AMZ2: variants seen among roughly 807,000 people sequenced by gnomAD.
The protein encoded by AMZ2 is archaemetzincin-2.
Under a neutral mutation model 36.7 loss-of-function variants are expected in AMZ2, and 26 were observed. The ratio of observed to expected loss-of-function variants is 0.71; its 90% CI spans 0.52 to 0.98. The LOEUF (loss-of-function observed/expected upper bound fraction) is 0.98. Ranked by LOEUF, AMZ2 falls within the 50% of genes least tolerant of loss-of-function variation. The probability of loss-of-function intolerance (pLI) is 0.00; values close to 1 mark genes in which losing one functional copy is unlikely to be tolerated. For missense variants in AMZ2, 394 were observed against 430.5 expected (o/e 0.92, Z 0.75); for synonymous variants, 144 against 149.1 (o/e 0.97, Z 0.25).
intron 1 of AMZ2, among the ~76,000 whole-genome samples, chr17:68,231,711 T>C (rs1369734539): frequency 1.8e-4 from 28 of 151,904 alleles, no homozygotes; most frequent in African/African-American, 6.5e-4. Flanking sequence ...TCTTTTCTTC[T>C]TGAAACTGTG....
At chr17:68,252,019 CCTT>C (rs2074518893) in intron 4 of AMZ2, among the ~76,000 whole-genome samples, 1 of 151,286 alleles carries the variant, frequency 6.6e-6, no homozygotes, top group Non-Finnish European at 1.5e-5. Flanking sequence ...ATATTTTTAA[CCTT>C]TTTTTTTTTT....
intron 4 of AMZ2, among the ~76,000 whole-genome samples, chr17:68,252,830 AT>A (rs2074586517): frequency 6.6e-6 from 1 of 152,176 alleles, no homozygotes. Flanking sequence ...AGCTAAAAAA[AT>A]AATTTTAAAA....
upstream of AMZ2, chr17:68,247,788 C>G (rs2074094912): frequency 1.0e-6 from 1 of 985,442 alleles, no homozygotes; most frequent in Non-Finnish European, 1.2e-6. Context: ...GGCCGCGGAG[C>G]CGCCGCGAGC....
intron 1 of AMZ2, among the ~76,000 whole-genome samples, chr17:68,229,161 T>C (rs2073596672): frequency 6.6e-6 from 1 of 152,218 alleles, no homozygotes; most frequent in South Asian, 2.1e-4. Flanking sequence ...GTTTTTGCTA[T>C]TGCCTGGAAG....
intron 1 of AMZ2, chr17:68,207,313 A>ACCGCC: frequency 9.0e-6 from 1 of 110,702 alleles, no homozygotes; most frequent in South Asian, 3.1e-4. Context: ...TTTGTTAAAT[A>ACCGCC]CCCCCCCCCC....
chr17:68,247,486 T>G, upstream of AMZ2: 1 of 322,008 alleles, frequency 3.1e-6, no homozygotes, highest in East Asian at 1.7e-4. Context: ...CCCCTCAGCA[T>G]CCGGGTTTCG....
In AMZ2 at chr17:68,254,515, A is replaced by T. The variant is rs782776392; in HGVS notation, c.698A>T (p.Asp233Val). 1 of 1,613,458 alleles carries T rather than the reference A, an allele frequency of 6.2e-7. No homozygotes were observed. The highest frequency in any genetic ancestry group is 8.5e-7 in the Non-Finnish European group (1 of 1,179,602). The change falls in exon 5 of 7, where the codon GAC (aspartate) becomes GTC (valine). Residue 233 changes from aspartate (D) to valine (V), a missense_variant. Asp to Val is a radical substitution (Grantham distance 152). Coordinates refer to ENST00000359904, the MANE Select transcript of AMZ2 (RefSeq NM_016627.5). ...TCTTCAAGTGACTATTCAATTTTCG[A>T]CAACTATTATATTCCAGAAATAACT... ...KTSSSDYSIF[D>V]NYYIPEITSV...
At chr17:68,219,085 C>G (rs2073276797) in intron 1 of AMZ2, among the ~76,000 whole-genome samples, 1 of 151,776 alleles carries the variant, frequency 6.6e-6, no homozygotes, top group African/African-American at 2.4e-5. Context: ...TCAAGCAATT[C>G]TCTTACCTTA....
At chr17:68,245,762 T>C (rs1345834629), upstream of AMZ2, among the ~76,000 whole-genome samples, 1 of 152,156 alleles carries the variant, frequency 6.6e-6, no homozygotes, top group African/African-American at 2.4e-5. Context: ...CCCTCAAGCA[T>C]CTCGCAGTTG....
intron 1 of AMZ2, among the ~76,000 whole-genome samples, chr17:68,225,960 T>G (rs2073505586): frequency 6.6e-6 from 1 of 152,148 alleles, no homozygotes; most frequent in African/African-American, 2.4e-5. Context: ...AAGGCAAGAT[T>G]AATAGAAAAT....
chr17:68,209,582 GT>G (rs61003742), intron 1 of AMZ2, among the ~76,000 whole-genome samples: 12 of 117,966 alleles, frequency 1.0e-4, no homozygotes, highest in African/African-American at 3.6e-4. Context: ...ATAATTGTGG[GT>G]GTGTGTGTGT....
At chr17:68,222,828 C>G (rs6501289) in intron 1 of AMZ2, among the ~76,000 whole-genome samples, 19,447 of 152,190 alleles carry the variant, frequency 0.13, 1,531 homozygotes, top group East Asian at 0.29. Context: ...TTTCCTCATT[C>G]ACCCACTGCT....
intron 1 of AMZ2, chr17:68,248,915 A>G (rs1339243223): frequency 1.6e-6 from 1 of 636,506 alleles, no homozygotes; most frequent in Non-Finnish European, 2.1e-6. Flanking sequence ...TTTCCCATCA[A>G]TCGTCTATCA....
At chr17:68,254,659 A>C (rs2074761263) in intron 5 of AMZ2, 92 bp downstream of exon 5, 3 of 1,174,738 alleles carry the variant, frequency 2.6e-6, no homozygotes, top group Non-Finnish European at 3.6e-6. Flanking sequence ...GTAATATTAT[A>C]AATGAGTTTG....
rs538655643 is a variant in AMZ2 at position 68,256,850 on chromosome 17, A to C, written c.964A>C (p.Thr322Pro). Reference protein sequence around the residue: ...VRWIDDESSDTPGATPEHSHE... With the variant: ...VRWIDDESSDPPGATPEHSHE... Reference sequence around the variant, plus strand: ...GTGGATTGATGATGAATCTTCTGACACACCTGGAGCAACTCCAGAACACAG... The same window carrying C: ...GTGGATTGATGATGAATCTTCTGACCCACCTGGAGCAACTCCAGAACACAG... Residue 322 changes from threonine (T) to proline (P), a missense_variant, in exon 7 of 7, where the codon ACA becomes CCA. Coordinates refer to ENST00000359904, the MANE Select transcript of AMZ2 (RefSeq NM_016627.5). 1.2e-6 allele frequency: 2 copies of C among 1,613,950 alleles called. No individual in the cohort carries two copies. The highest frequency in any genetic ancestry group is 2.2e-5 in the South Asian group (2 of 91,006).
intron 1 of AMZ2, among the ~76,000 whole-genome samples, chr17:68,236,280 G>A (rs1319903871): frequency 2.0e-5 from 3 of 151,748 alleles, no homozygotes; most frequent in Non-Finnish European, 4.4e-5. Context: ...ATGTATTTTT[G>A]TGTTTATAAA....
chr17:68,223,537 CTTTTCTTT>C (rs1287701983), intron 1 of AMZ2, among the ~76,000 whole-genome samples: 3 of 130,882 alleles, frequency 2.3e-5, no homozygotes, highest in Non-Finnish European at 4.9e-5. Context: ...AATGGATTTT[CTTTTCTTT>C]TTTTCTTTTT....
At chr17:68,224,198 C>A (rs1189527027) in intron 1 of AMZ2, among the ~76,000 whole-genome samples, 1 of 152,224 alleles carries the variant, frequency 6.6e-6, no homozygotes, top group Non-Finnish European at 1.5e-5. Context: ...CAGCCTCAGC[C>A]TCCCAAAATG....
At chr17:68,247,254 T>A (rs184178259), upstream of AMZ2, 1 of 142,166 alleles carries the variant, frequency 7.0e-6, no homozygotes, top group Non-Finnish European at 1.5e-5. Flanking sequence ...GAAAATCGCT[T>A]GAACCCAGGA....
Sources: gnomAD v4.1 joint callset for allele counts (sites outside exome capture counted in the v4.1 genomes callset) on GRCh38, gnomAD v4.1.1 for gene constraint, MANE v1.5 for transcripts, NCBI Gene and HGNC (gene_info 2026-07-23, HGNC 2026-07-21) for gene names.